Variants in L3MBTL4 observed in about 807,000 individuals in gnomAD.
L3MBTL4 encodes the protein lethal(3)malignant brain tumor-like protein 4.
A neutral mutation model predicts 84.5 loss-of-function variants in L3MBTL4; 70 were observed. The ratio of observed to expected loss-of-function variants is 0.83; its 90% CI spans 0.68 to 1.01. The LOEUF is 1.01. Among genes scored for constraint, L3MBTL4 ranks in the 50% least tolerant of loss-of-function variants. The probability of loss-of-function intolerance (pLI) is 0.00; values close to 1 mark genes in which losing one functional copy is unlikely to be tolerated. For synonymous variants in L3MBTL4, 274 were observed against 259.8 expected, an observed-to-expected ratio of 1.05 and a Z score of -0.52; for missense variants, 715 against 754.8, an observed-to-expected ratio of 0.95 and a Z score of 0.62.
chr18:6,236,888 C>T (rs2047237940), intron 10 of L3MBTL4, among the ~76,000 whole-genome samples: 1 of 152,006 alleles, frequency 6.6e-6, no homozygotes. Context: ...AAGGCGAAAA[C>T]ATTAAAAAAC....
Position 6,290,418 on chromosome 18 carries a change from G to A in L3MBTL4, c.127+11485C>T, listed in dbSNP as rs142283283. Among the ~76,000 whole-genome samples, 481 of 152,048 alleles carry A rather than the reference G, an allele frequency of 3.2e-3. 6 individuals carry two copies. The South Asian group carries it at 0.041, about 13-fold the overall frequency. On this transcript the variant is annotated intron_variant, in intron 4 of 18. Coordinates refer to ENST00000317931, the MANE Select transcript of L3MBTL4 (RefSeq NM_001330559.2). Reference sequence around the variant, plus strand: ...AAAAACTAAGCTTTAAAAGAATTAAGGATGTTTTCCATTTAATTCTCTGTA... The same window carrying A: ...AAAAACTAAGCTTTAAAAGAATTAAAGATGTTTTCCATTTAATTCTCTGTA...
At chr18:6,065,388 T>C (rs1296919968) in intron 16 of L3MBTL4, among the ~76,000 whole-genome samples, 1 of 152,006 alleles carries the variant, frequency 6.6e-6, no homozygotes, top group African/African-American at 2.4e-5. Context: ...AAGGATTCCT[T>C]CTTTATCTTT....
At chr18:5,994,663 G>A (rs2053865556) in intron 16 of L3MBTL4, among the ~76,000 whole-genome samples, 1 of 152,022 alleles carries the variant, frequency 6.6e-6, no homozygotes, top group South Asian at 2.1e-4. Flanking sequence ...GAAAGATAGG[G>A]ACCAGACTGC....
chr18:6,249,543 A>G (rs895936507), intron 5 of L3MBTL4, among the ~76,000 whole-genome samples: 30 of 152,218 alleles, frequency 2.0e-4, no homozygotes, highest in African/African-American at 7.0e-4. Context: ...TAGCTAAAAC[A>G]GACTCAGCAT....
chr18:6,393,089 T>A (rs1004299349), intron 1 of L3MBTL4, among the ~76,000 whole-genome samples: 22 of 151,736 alleles, frequency 1.4e-4, no homozygotes, highest in African/African-American at 4.1e-4. Context: ...AAAAAAAAAA[T>A]TTTAACTATA....
rs151221112 is a variant in L3MBTL4, at chr18:6,048,493, C to T, written c.1444+32388G>A. On this transcript the variant is annotated intron_variant, in intron 16 of 18. Coordinates refer to ENST00000317931, the MANE Select transcript of L3MBTL4 (RefSeq NM_001330559.2). The stretch of plus-strand genomic sequence containing the variant: ...CCCAACTTCAAATTATACTGTAAGG[C>T]AACAGTAATCAGAATAGCATTGGCT... Among the ~76,000 whole-genome samples the T allele has an allele frequency of 2.4e-3, 361 of 152,246 alleles. 5 individuals carry two copies. The highest frequency in any genetic ancestry group is 7.9e-3 in the African/African-American group (327 of 41,544).
At chr18:6,192,896 T>C (rs942262874) in intron 12 of L3MBTL4, among the ~76,000 whole-genome samples, 1 of 151,974 alleles carries the variant, frequency 6.6e-6, no homozygotes, top group African/African-American at 2.4e-5. Flanking sequence ...CAATTATATC[T>C]ATTGTACATG....
intron 16 of L3MBTL4, among the ~76,000 whole-genome samples, chr18:6,013,246 C>A (rs999251237): frequency 1.3e-5 from 2 of 152,140 alleles, no homozygotes; most frequent in Non-Finnish European, 2.9e-5. Context: ...TGGGAGGCAG[C>A]TTTTTAAAGT....
intron 10 of L3MBTL4, among the ~76,000 whole-genome samples, chr18:6,236,600 A>G (rs969029849): frequency 6.6e-6 from 1 of 152,158 alleles, no homozygotes; most frequent in Admixed American, 6.5e-5. Context: ...CAAACCACAC[A>G]CTCAGATCTG....
chr18:6,232,685 T>G (rs1879946963), intron 10 of L3MBTL4, among the ~76,000 whole-genome samples: 1 of 152,132 alleles, frequency 6.6e-6, no homozygotes, highest in African/African-American at 2.4e-5. Flanking sequence ...TGTGCCTACC[T>G]TAGAAAAATC....
At chr18:6,269,096 G>T (rs950862498) in intron 4 of L3MBTL4, among the ~76,000 whole-genome samples, 4 of 152,154 alleles carry the variant, frequency 2.6e-5, no homozygotes, top group African/African-American at 9.7e-5. Flanking sequence ...AAGTTTAAAA[G>T]CACCATAAAA....
At chr18:6,386,896 C>T (rs150493611) in intron 1 of L3MBTL4, among the ~76,000 whole-genome samples, 1 of 152,058 alleles carries the variant, frequency 6.6e-6, no homozygotes, top group African/African-American at 2.4e-5. Context: ...GAGAAGAAAG[C>T]ACTTAAGGAA....
intron 13 of L3MBTL4, among the ~76,000 whole-genome samples, chr18:6,170,012 G>A (rs1013275632): frequency 1.1e-4 from 17 of 151,910 alleles, no homozygotes; most frequent in African/African-American, 2.7e-4. Flanking sequence ...CACATGCTAC[G>A]GGGCAGGCAG....
chr18:6,048,321 C>T (rs1294330931), intron 16 of L3MBTL4, among the ~76,000 whole-genome samples: 1 of 152,138 alleles, frequency 6.6e-6, no homozygotes, highest in African/African-American at 2.4e-5. Flanking sequence ...AGGCAATTTA[C>T]AGATTCAATG....
intron 4 of L3MBTL4, among the ~76,000 whole-genome samples, chr18:6,288,360 T>A (rs1599494783): frequency 6.6e-6 from 1 of 152,326 alleles, no homozygotes; most frequent in South Asian, 2.1e-4. Flanking sequence ...ATATGCTAAC[T>A]AACCCAAATG....
chr18:6,353,737 G>T (rs960069305), intron 1 of L3MBTL4, among the ~76,000 whole-genome samples: 13 of 151,988 alleles, frequency 8.6e-5, no homozygotes, highest in African/African-American at 3.1e-4. Flanking sequence ...AGAAGTGAAA[G>T]ATCTCTATAA....
intron 16 of L3MBTL4, among the ~76,000 whole-genome samples, chr18:6,071,761 A>AAAAG (rs201841975): frequency 0.19 from 17,251 of 91,266 alleles, 1,542 homozygotes; most frequent in African/African-American, 0.23. Context: ...AAGAAAGAAA[A>AAAAG]AAAGAAAGAA....
At chr18:6,289,701 T>C (rs965067552) in intron 4 of L3MBTL4, among the ~76,000 whole-genome samples, 3 of 152,174 alleles carry the variant, frequency 2.0e-5, no homozygotes, top group African/African-American at 7.2e-5. Flanking sequence ...AACTTTTTTT[T>C]TTCAGATCCT....
At chr18:6,250,614 T>C (rs1428704622) in intron 5 of L3MBTL4, among the ~76,000 whole-genome samples, 1 of 152,162 alleles carries the variant, frequency 6.6e-6, no homozygotes, top group Non-Finnish European at 1.5e-5. Context: ...ATTTTCCTCA[T>C]TTTAATTCAG....
Sources: allele counts gnomAD v4.1 joint callset (sites outside exome capture counted in the v4.1 genomes callset), GRCh38; gene constraint gnomAD v4.1.1; transcripts MANE v1.5; gene names NCBI Gene and HGNC (gene_info 2026-07-23, HGNC 2026-07-21).